KIAA1328: variants seen among roughly 807,000 people sequenced by gnomAD.
The protein encoded by KIAA1328 is KIAA1328.
A neutral mutation model predicts 68.1 loss-of-function variants in KIAA1328; 52 were observed. The ratio of observed to expected loss-of-function variants is 0.76; its 90% CI spans 0.61 to 0.96. KIAA1328 has a LOEUF of 0.96. Ranked by LOEUF, KIAA1328 falls within the 40% of genes least tolerant of loss-of-function variation. The probability of loss-of-function intolerance (pLI) is 0.00; values close to 1 mark genes in which losing one functional copy is unlikely to be tolerated. For synonymous variants in KIAA1328, 232 were observed against 239.4 expected, an observed-to-expected ratio of 0.97 and a Z score of 0.28; for missense variants, 641 against 677.6, an observed-to-expected ratio of 0.95 and a Z score of 0.60.
chr18:36,996,788 A>G (rs1436457981), intron 6 of KIAA1328, among the ~76,000 whole-genome samples: 1 of 152,202 alleles, frequency 6.6e-6, no homozygotes, highest in African/African-American at 2.4e-5. Context: ...TCTAATTTCA[A>G]GAGAGAAAAC....
At chr18:37,029,104 T>A (rs1235656753) in intron 6 of KIAA1328, among the ~76,000 whole-genome samples, 1 of 152,182 alleles carries the variant, frequency 6.6e-6, no homozygotes, top group African/African-American at 2.4e-5. Flanking sequence ...TACCAGCTCT[T>A]CTTTGTATGT....
chr18:37,216,406 CAGT>C, intron 9 of KIAA1328, among the ~76,000 whole-genome samples: 1 of 152,228 alleles, frequency 6.6e-6, no homozygotes, highest in Non-Finnish European at 1.5e-5. Context: ...GTTATTTACT[CAGT>C]AGTCATTCAG....
chr18:37,119,358 CCACAACAAAAATGCCATATATTGGGT>C (rs1464085176), intron 7 of KIAA1328, among the ~76,000 whole-genome samples: 23 of 152,092 alleles, frequency 1.5e-4, no homozygotes, highest in African/African-American at 5.1e-4. Context: ...GCTTGGGTTT[CCACAACAAAAATGCCATATATTGGGT>C]GGCTCAAACA....
chr18:36,914,166 G>A (rs2049587617), intron 5 of KIAA1328, among the ~76,000 whole-genome samples: 1 of 152,098 alleles, frequency 6.6e-6, no homozygotes, highest in South Asian at 2.1e-4. Flanking sequence ...CATACTATCT[G>A]TAAATATAAT....
intron 7 of KIAA1328, among the ~76,000 whole-genome samples, chr18:37,119,624 C>G: frequency 6.6e-6 from 1 of 152,190 alleles, no homozygotes. Context: ...ATTACATCTT[C>G]AGACCCATCT....
chr18:37,212,435 A>G (rs890013537), intron 9 of KIAA1328, among the ~76,000 whole-genome samples: 1 of 152,166 alleles, frequency 6.6e-6, no homozygotes, highest in Non-Finnish European at 1.5e-5. Context: ...CCAATAACAT[A>G]ACTTGCCAGA....
intron 6 of KIAA1328, among the ~76,000 whole-genome samples, chr18:37,042,804 C>A (rs1433744117): frequency 1.3e-5 from 2 of 152,140 alleles, no homozygotes; most frequent in East Asian, 3.9e-4. Context: ...ATGTTTTTGA[C>A]TATAACTTTT....
chr18:37,134,048 C>T (rs1297570559), intron 7 of KIAA1328, among the ~76,000 whole-genome samples: 1 of 151,368 alleles, frequency 6.6e-6, no homozygotes, highest in Non-Finnish European at 1.5e-5. Flanking sequence ...GAGTCTTGCT[C>T]CATAGCCCAG....
At chr18:36,989,979 C>T (rs971032801) in intron 6 of KIAA1328, among the ~76,000 whole-genome samples, 7 of 152,110 alleles carry the variant, frequency 4.6e-5, no homozygotes, top group East Asian at 1.9e-4. Context: ...AGGTGTGAGC[C>T]GCCGCACCCA....
At chr18:36,864,235 G>A (rs576596090) in intron 4 of KIAA1328, among the ~76,000 whole-genome samples, 1 of 151,448 alleles carries the variant, frequency 6.6e-6, no homozygotes, top group African/African-American at 2.4e-5. Flanking sequence ...TGATATGGTA[G>A]ATTACATTGA....
At chr18:37,121,200 G>T (rs2151933957) in intron 7 of KIAA1328, among the ~76,000 whole-genome samples, 1 of 152,218 alleles carries the variant, frequency 6.6e-6, no homozygotes, top group East Asian at 1.9e-4. Flanking sequence ...GGAACAGAAA[G>T]AGAATAAATC....
chr18:36,914,299 A>G lies in KIAA1328; in HGVS notation c.448+28627A>G, dbSNP rs568193176. On this transcript the variant is annotated intron_variant, in intron 5 of 9. Transcript: ENST00000280020. ...AGGCGCTGTGATAAGACAGCAGAAA[A>G]TCTTGGACCTGGTGGGAGAAGAGGA... Among the ~76,000 whole-genome samples the G allele has an allele frequency of 2.4e-4, 37 of 152,316 alleles. No homozygotes were observed. The South Asian group carries it at 7.3e-3, about 30-fold the overall frequency.
At chr18:36,986,454 C>T (rs1281086067) in intron 6 of KIAA1328, among the ~76,000 whole-genome samples, 1 of 139,168 alleles carries the variant, frequency 7.2e-6, no homozygotes, top group Admixed American at 7.5e-5. Flanking sequence ...ACACCAAAAG[C>T]AATGGCAACA....
chr18:36,834,515 A>G (rs927326390), intron 2 of KIAA1328, among the ~76,000 whole-genome samples, 160 bp downstream of exon 2: 1 of 152,224 alleles, frequency 6.6e-6, no homozygotes, highest in Non-Finnish European at 1.5e-5. Flanking sequence ...TCATAACCCT[A>G]TTAAGGTTTG....
chr18:36,861,705 C>A (rs1324362314), intron 4 of KIAA1328, among the ~76,000 whole-genome samples: 1 of 152,048 alleles, frequency 6.6e-6, no homozygotes, highest in African/African-American at 2.4e-5. Flanking sequence ...GGATCTAGCT[C>A]TGTTGCCCAG....
intron 5 of KIAA1328, among the ~76,000 whole-genome samples, chr18:36,931,732 G>A (rs2050317016): frequency 6.6e-6 from 1 of 151,906 alleles, no homozygotes. Context: ...GATATAAAGT[G>A]GCCAGAAATG....
Position 37,223,559 on chromosome 18 carries a change from G to A in KIAA1328, c.*1332G>A. 2 of 985,450 alleles carry A rather than the reference G, an allele frequency of 2.0e-6. No homozygotes were observed. Among genetic ancestry groups the A allele is most frequent in the East Asian group, 1.1e-4 (1 of 8,806 alleles). 61.0% of individuals were successfully genotyped at this position (985,450 alleles called of 1,614,324 possible). On this transcript the variant is annotated 3_prime_UTR_variant, in exon 10 of 10. Transcript: ENST00000280020. ...GGGAATTTTATTTGATCTGGAGGGT[G>A]TGGCTTTTTTTCTCTCCTTTTTACC... is the stretch of plus-strand genomic sequence containing the variant.
intron 7 of KIAA1328, among the ~76,000 whole-genome samples, chr18:37,097,023 T>C (rs2057431991): frequency 6.6e-6 from 1 of 152,200 alleles, no homozygotes. Flanking sequence ...ATTCTGTAGA[T>C]TGCCTGTTCA....
chr18:36,852,913 A>G (rs2047260178), intron 4 of KIAA1328, among the ~76,000 whole-genome samples: 1 of 152,066 alleles, frequency 6.6e-6, no homozygotes, highest in South Asian at 2.1e-4. Context: ...GTGTTATTTA[A>G]TTCTCTATTA....
Sources: allele counts gnomAD v4.1 joint callset (sites outside exome capture counted in the v4.1 genomes callset), GRCh38; gene constraint gnomAD v4.1.1; transcripts MANE v1.5; gene names NCBI Gene and HGNC (gene_info 2026-07-23, HGNC 2026-07-21).